The following SPIRE1 variants were observed in gnomAD, a reference collection of about 807,000 sequenced individuals.
SPIRE1 encodes the protein spire type actin nucleation factor 1, also known as protein spire homolog 1.
In SPIRE1, 40 loss-of-function variants were observed where a neutral mutation model predicts 94.1. The ratio of observed to expected loss-of-function variants is 0.43; its 90% CI spans 0.33 to 0.55. The LOEUF is 0.55. SPIRE1 is among the 20% of genes least tolerant of loss of function. The pLI, the probability that SPIRE1 is intolerant of heterozygous loss-of-function variation, is 0.06. For synonymous variants in SPIRE1, 376 were observed against 371.7 expected (o/e 1.01, Z -0.13); for missense variants, 838 against 975.2 (o/e 0.86, Z 1.87).
At position 12,474,155 on chromosome 18, in the gene SPIRE1, G is replaced by A. The variant is rs570859094; in HGVS notation, c.1404+5544C>T. On this transcript the variant is annotated intron_variant, in intron 10 of 16. Transcript: ENST00000409402. The stretch of plus-strand genomic sequence containing the variant: ...TGACAGCATTTCCTATATCAAGAGT[G>A]AATAAAGTGTTCAGTTTACAGTTGG... Among the ~76,000 whole-genome samples, 79 of 152,334 alleles carry A rather than the reference G, an allele frequency of 5.2e-4. 1 individual carries two copies. Among genetic ancestry groups the A allele is most frequent in the African/African-American group, 1.9e-3 (79 of 41,572 alleles).
rs1468124072 is a variant in SPIRE1, at chr18:12,598,224, A to G, written c.372+36838T>C. ...AATTATTATAAGATATCTCAAATCTAAAATTCTTTTTGAATTCTGTCAGAA... is the reference window on the plus strand; with the variant it reads ...AATTATTATAAGATATCTCAAATCTGAAATTCTTTTTGAATTCTGTCAGAA... On this transcript the variant is annotated intron_variant, in intron 2 of 16. Transcript: ENST00000409402. 2.0e-5 allele frequency among the ~76,000 whole-genome samples: 3 copies of G among 152,242 alleles called. No homozygotes were observed. The East Asian group carries it at 5.8e-4, about 29-fold the overall frequency.
chr18:12,486,948 G>A (rs1293914913), intron 8 of SPIRE1, among the ~76,000 whole-genome samples: 3 of 152,198 alleles, frequency 2.0e-5, no homozygotes, highest in African/African-American at 7.2e-5. Flanking sequence ...CGCCTCCCGG[G>A]TTCAAGCAAT....
At chr18:12,569,534 T>G (rs1410050665) in intron 2 of SPIRE1, among the ~76,000 whole-genome samples, 1 of 151,738 alleles carries the variant, frequency 6.6e-6, no homozygotes, top group African/African-American at 2.4e-5. Context: ...GACTGAAACA[T>G]AAGAGTACCT....
rs115208174 is a variant in SPIRE1 at position 12,460,059 on chromosome 18, G to T, written c.1638+3292C>A. 1.6e-3 allele frequency: 408 copies of T among 248,170 alleles called. 5 individuals carry two copies. The highest frequency in any genetic ancestry group is 9.1e-3 in the African/African-American group (394 of 43,298). The allele number at this position is 248,170 out of a possible 1,614,324, so 15.4% of individuals were successfully genotyped here. A position where few individuals can be genotyped will look rare whatever the true frequency, so the allele number is the denominator to read the frequency against. On this transcript the variant is annotated intron_variant, in intron 12 of 16. Coordinates refer to ENST00000409402, the MANE Select transcript of SPIRE1 (RefSeq NM_001128626.2). ...AAAACAAAACAAAAAACACCATGAG[G>T]CTGGTACAGTCCGTGCGAACATCTG...
At chr18:12,534,859 C>T (rs1291822412) in intron 4 of SPIRE1, among the ~76,000 whole-genome samples, 3 of 152,188 alleles carry the variant, frequency 2.0e-5, no homozygotes, top group Admixed American at 6.6e-5. Context: ...ACCTGGCCCC[C>T]TTTCATATAC....
chr18:12,615,022 C>T (rs940300967), intron 2 of SPIRE1, among the ~76,000 whole-genome samples: 2 of 150,984 alleles, frequency 1.3e-5, no homozygotes, highest in Admixed American at 1.3e-4. Flanking sequence ...AACCCTATCT[C>T]TATTAAAAAT....
chr18:12,619,657 C>A (rs1453358559), intron 2 of SPIRE1, among the ~76,000 whole-genome samples: 1 of 151,766 alleles, frequency 6.6e-6, no homozygotes, highest in Non-Finnish European at 1.5e-5. Flanking sequence ...ACCAGCCTGG[C>A]CAACACAGTG....
chr18:12,570,945 C>T (rs2035946828), intron 2 of SPIRE1, among the ~76,000 whole-genome samples: 1 of 152,134 alleles, frequency 6.6e-6, no homozygotes, highest in African/African-American at 2.4e-5. Context: ...ATGGCCAAGT[C>T]ACACACATCA....
intron 4 of SPIRE1, among the ~76,000 whole-genome samples, chr18:12,525,296 A>AAAAAAAAAAAAAAT (rs1555619713): frequency 1.7e-5 from 2 of 120,174 alleles, no homozygotes; most frequent in African/African-American, 6.7e-5. Flanking sequence ...AAAAAAAAAA[A>AAAAAAAAAAAAAAT]AATAATAATA....
rs146820151 is a variant in SPIRE1 at position 12,619,983 on chromosome 18, T to G, written c.372+15079A>C. 1.8e-3 allele frequency among the ~76,000 whole-genome samples: 275 copies of G among 151,888 alleles called. 1 individual carries two copies. Among genetic ancestry groups the G allele is most frequent in the African/African-American group, 6.4e-3 (266 of 41,420 alleles). ...TCTACTGAAAAAACATTAAAATTAATAAATGAATTCAGCAAGGTAGCAGGA... is the reference window on the plus strand; with the variant it reads ...TCTACTGAAAAAACATTAAAATTAAGAAATGAATTCAGCAAGGTAGCAGGA... On this transcript the variant is annotated intron_variant, in intron 2 of 16. Transcript: ENST00000409402.
intron 6 of SPIRE1, among the ~76,000 whole-genome samples, chr18:12,499,290 C>T (rs866999412): frequency 5.9e-5 from 9 of 152,010 alleles, no homozygotes; most frequent in African/African-American, 1.9e-4. Flanking sequence ...GGTCTCGGCA[C>T]CCTTGTTGTA....
chr18:12,658,215 A>G (rs1055420145), upstream of SPIRE1: 2 of 563,684 alleles, frequency 3.5e-6, no homozygotes, highest in African/African-American at 2.0e-5. Context: ...GGTGAGGACC[A>G]GGCAGGAGGG....
At chr18:12,641,383 T>TG (rs200002201) in intron 1 of SPIRE1, among the ~76,000 whole-genome samples, 3,066 of 151,822 alleles carry the variant, frequency 0.02, 120 homozygotes, top group African/African-American at 0.07. Flanking sequence ...TCTTTTTTTT[T>TG]TTTTGAGATG....
rs139987585 is a variant in SPIRE1 at position 12,535,678 on chromosome 18, A to T, written c.604-77T>A. 360 of 1,387,496 alleles carry T rather than the reference A, an allele frequency of 2.6e-4. No homozygotes were observed. The African/African-American group carries it at 3.6e-3, about 14-fold the overall frequency. 85.9% of individuals were successfully genotyped at this position (1,387,496 alleles called of 1,614,324 possible). A position where few individuals can be genotyped will look rare whatever the true frequency, so the allele number is the denominator to read the frequency against. Reference sequence around the variant, plus strand: ...TTTGTACTTAAAAACAGACACGAGCAGAGTGCAGTGGTTCACGCCTGTAAT... The same window carrying T: ...TTTGTACTTAAAAACAGACACGAGCTGAGTGCAGTGGTTCACGCCTGTAAT... On this transcript the variant is annotated intron_variant, in intron 3 of 16. Transcript: ENST00000409402.
chr18:12,533,277 T>G (rs2034740365), intron 4 of SPIRE1, among the ~76,000 whole-genome samples: 1 of 152,256 alleles, frequency 6.6e-6, no homozygotes, highest in African/African-American at 2.4e-5. Context: ...CTGGCCAGTT[T>G]CTGCAGGCAC....
At chr18:12,641,376 T>TC (rs1433122736) in intron 1 of SPIRE1, among the ~76,000 whole-genome samples, 1 of 148,326 alleles carries the variant, frequency 6.7e-6, no homozygotes, top group East Asian at 1.9e-4. Context: ...CTTTTTTTCT[T>TC]TTTTTTTTTT....
Position 12,517,908 on chromosome 18 carries a change from C to T in SPIRE1, c.730-5377G>A, listed in dbSNP as rs140565335. Reference sequence around the variant, plus strand: ...ACAGCATTTTAATGATCACCATTTCCACCATTTAAACTATCTTATTTCCCT... The same window carrying T: ...ACAGCATTTTAATGATCACCATTTCTACCATTTAAACTATCTTATTTCCCT... On this transcript the variant is annotated intron_variant, in intron 4 of 16. Transcript: ENST00000409402. Among the ~76,000 whole-genome samples, 558 of 152,186 alleles carry T rather than the reference C, an allele frequency of 3.7e-3. 1 individual carries two copies. The highest frequency in any genetic ancestry group is 5.9e-3 in the Non-Finnish European group (399 of 68,000).
chr18:12,634,258 T>C (rs200173930), intron 2 of SPIRE1, among the ~76,000 whole-genome samples: 3 of 140,938 alleles, frequency 2.1e-5, no homozygotes, highest in African/African-American at 7.8e-5. Context: ...AAAATAAAAA[T>C]AAAAAAAAAA....
chr18:12,657,423 A>C, intron 1 of SPIRE1, 107 bp downstream of exon 1: 2 of 959,258 alleles, frequency 2.1e-6, no homozygotes, highest in Non-Finnish European at 2.7e-6. Flanking sequence ...TCCCGTGGCA[A>C]AATGGGGGGG....
Sources: gnomAD v4.1 joint callset for allele counts (sites outside exome capture counted in the v4.1 genomes callset) on GRCh38, gnomAD v4.1.1 for gene constraint, MANE v1.5 for transcripts, NCBI Gene and HGNC (gene_info 2026-07-23, HGNC 2026-07-21) for gene names.